ST6GALNAC3: variants seen among roughly 807,000 people sequenced by gnomAD.
ST6GALNAC3 encodes the protein alpha-N-acetylgalactosaminide alpha-2,6-sialyltransferase 3.
A neutral mutation model predicts 32.7 loss-of-function variants in ST6GALNAC3; 25 were observed. The ratio of observed to expected loss-of-function variants is 0.76; its 90% CI spans 0.56 to 1.07. ST6GALNAC3 has a LOEUF of 1.07. Ranked by LOEUF, ST6GALNAC3 falls within the 50% of genes least tolerant of loss-of-function variation. ST6GALNAC3 has a pLI of 0.00. For synonymous variants in ST6GALNAC3, 129 were observed against 133.1 expected, an observed-to-expected ratio of 0.97 and a Z score of 0.21; for missense variants, 355 against 382.4, an observed-to-expected ratio of 0.93 and a Z score of 0.60.
In ST6GALNAC3 at chr1:76,283,130, C is replaced by T. The variant is rs1659592004; in HGVS notation, c.19-30675C>T. Among the ~76,000 whole-genome samples, 4 of 152,276 alleles carry T rather than the reference C, an allele frequency of 2.6e-5. No homozygotes were observed. The South Asian group carries it at 8.3e-4, about 32-fold the overall frequency. On this transcript the variant is annotated intron_variant, in intron 1 of 4. Transcript: ENST00000328299. ...TCCCTCAGTGACCTCTGAGCTTCCACAGTACCCAAGAGTGCTCCGGAACAA... is the reference window on the plus strand; with the variant it reads ...TCCCTCAGTGACCTCTGAGCTTCCATAGTACCCAAGAGTGCTCCGGAACAA...
intron 1 of ST6GALNAC3, among the ~76,000 whole-genome samples, chr1:76,154,410 C>A (rs1651258254): frequency 6.6e-6 from 1 of 152,200 alleles, no homozygotes; most frequent in Non-Finnish European, 1.5e-5. Context: ...CTTTGTGTCT[C>A]AGCTTCTACT....
At chr1:76,536,386 A>G (rs777615732) in intron 3 of ST6GALNAC3, among the ~76,000 whole-genome samples, 13 of 152,154 alleles carry the variant, frequency 8.5e-5, no homozygotes, top group Admixed American at 3.3e-4. Flanking sequence ...CAAGAAACTT[A>G]CAATCATGGT....
In ST6GALNAC3 at chr1:76,535,376, A is replaced by G. The variant is rs534158472; in HGVS notation, c.624-92076A>G. ...AATTCTAGTATCACTACTGAAATTA[A>G]TAGGTTTCTTTGATGGGACAGTAAT... On this transcript the variant is annotated intron_variant, in intron 3 of 4. Coordinates refer to ENST00000328299, the MANE Select transcript of ST6GALNAC3 (RefSeq NM_152996.4). 2.0e-5 allele frequency among the ~76,000 whole-genome samples: 3 copies of G among 152,324 alleles called. No individual in the cohort carries two copies. In the South Asian group the frequency reaches 6.2e-4, roughly 32 times the overall value.
At chr1:76,339,387 TC>T (rs1647771977) in intron 2 of ST6GALNAC3, among the ~76,000 whole-genome samples, 1 of 152,092 alleles carries the variant, frequency 6.6e-6, no homozygotes, top group African/African-American at 2.4e-5. Context: ...TGTGGGAAGT[TC>T]CTAGGAAAAA....
intron 3 of ST6GALNAC3, among the ~76,000 whole-genome samples, chr1:76,485,710 T>C (rs1362819635): frequency 1.3e-5 from 2 of 152,200 alleles, no homozygotes; most frequent in African/African-American, 4.8e-5. Context: ...GGGTTTTTTG[T>C]GTCTCTATCT....
At chr1:76,482,921 T>C (rs936668299) in intron 3 of ST6GALNAC3, among the ~76,000 whole-genome samples, 3 of 135,986 alleles carry the variant, frequency 2.2e-5, no homozygotes, top group African/African-American at 8.3e-5. Context: ...TTCCCCTTCC[T>C]GTGTCCATCT....
At chr1:76,153,882 C>G (rs1187168065) in intron 1 of ST6GALNAC3, among the ~76,000 whole-genome samples, 1 of 152,134 alleles carries the variant, frequency 6.6e-6, no homozygotes, top group African/African-American at 2.4e-5. Flanking sequence ...TTTGTCCAAA[C>G]GGGCGCCCCT....
chr1:76,334,074 G>T (rs1001156742), intron 2 of ST6GALNAC3, among the ~76,000 whole-genome samples: 1 of 152,204 alleles, frequency 6.6e-6, no homozygotes, highest in Non-Finnish European at 1.5e-5. Flanking sequence ...CTTCAAAGAT[G>T]ATTCCACCTG....
intron 1 of ST6GALNAC3, among the ~76,000 whole-genome samples, chr1:76,261,322 G>A (rs6593525): frequency 0.096 from 14,581 of 152,130 alleles, 1,762 homozygotes; most frequent in African/African-American, 0.28. Context: ...TTATTGATGG[G>A]CTTTCAAGTT....
At chr1:76,382,424 A>G (rs1651781449) in intron 2 of ST6GALNAC3, among the ~76,000 whole-genome samples, 1 of 152,152 alleles carries the variant, frequency 6.6e-6, no homozygotes, top group South Asian at 2.1e-4. Context: ...GAAATTCTAG[A>G]AGTGAAAAAC....
At chr1:76,400,532 A>G (rs1028721313) in intron 2 of ST6GALNAC3, among the ~76,000 whole-genome samples, 1 of 152,154 alleles carries the variant, frequency 6.6e-6, no homozygotes, top group Non-Finnish European at 1.5e-5. Context: ...AATAACAATG[A>G]TTTTTTAGAA....
At chr1:76,265,848 C>T (rs1658497659) in intron 1 of ST6GALNAC3, among the ~76,000 whole-genome samples, 1 of 152,162 alleles carries the variant, frequency 6.6e-6, no homozygotes, top group South Asian at 2.1e-4. Context: ...GTATCACCTA[C>T]ATTGCTTGTG....
intron 3 of ST6GALNAC3, among the ~76,000 whole-genome samples, chr1:76,616,185 AC>A (rs2100686564): frequency 6.6e-6 from 1 of 152,270 alleles, no homozygotes; most frequent in East Asian, 1.9e-4. Context: ...AAAGACCCCA[AC>A]CACTTCCACA....
At chr1:76,346,013 T>TG (rs1648478353) in intron 2 of ST6GALNAC3, among the ~76,000 whole-genome samples, 2 of 151,386 alleles carry the variant, frequency 1.3e-5, no homozygotes, top group Non-Finnish European at 2.9e-5. Context: ...CCCTATAAAA[T>TG]GTCAGCCCCC....
chr1:76,342,756 A>G (rs997291992), intron 2 of ST6GALNAC3, among the ~76,000 whole-genome samples: 4 of 149,894 alleles, frequency 2.7e-5, no homozygotes, highest in African/African-American at 1.0e-4. Context: ...TTAATTTTTT[A>G]TAGTAGCCAT....
At chr1:76,440,517 C>A (rs1157007648) in intron 3 of ST6GALNAC3, among the ~76,000 whole-genome samples, 1 of 152,136 alleles carries the variant, frequency 6.6e-6, no homozygotes, top group Non-Finnish European at 1.5e-5. Flanking sequence ...GGCAAAATAT[C>A]CACTGCAGGT....
chr1:76,499,849 AT>A (rs1388563058), intron 3 of ST6GALNAC3, among the ~76,000 whole-genome samples: 1 of 152,174 alleles, frequency 6.6e-6, no homozygotes, highest in East Asian at 1.9e-4. Flanking sequence ...TGAGAAAGTA[AT>A]TGAAACTTTG....
intron 3 of ST6GALNAC3, among the ~76,000 whole-genome samples, chr1:76,553,301 G>A (rs1454135831): frequency 6.6e-6 from 1 of 152,256 alleles, no homozygotes; most frequent in Non-Finnish European, 1.5e-5. Flanking sequence ...GATATGAACA[G>A]TGGGAGATGA....
intron 3 of ST6GALNAC3, among the ~76,000 whole-genome samples, chr1:76,521,683 G>GT (rs1217272296): frequency 1.3e-5 from 2 of 151,748 alleles, no homozygotes; most frequent in Admixed American, 1.3e-4. Context: ...TTTGATTTTT[G>GT]TTTTTCTGGA....
Sources: allele counts gnomAD v4.1 joint callset (sites outside exome capture counted in the v4.1 genomes callset), GRCh38; gene constraint gnomAD v4.1.1; transcripts MANE v1.5; gene names NCBI Gene and HGNC (gene_info 2026-07-23, HGNC 2026-07-21).